The following KIF25 variants were observed in gnomAD, a reference collection of about 807,000 sequenced individuals.
KIF25 encodes kinesin-like protein KIF25.
A neutral mutation model predicts 32.9 loss-of-function variants in KIF25; 19 were observed. The observed-to-expected ratio is 0.58, with a 90% CI of 0.40 to 0.85. The LOEUF (loss-of-function observed/expected upper bound fraction) is 0.85, where lower values mean the gene tolerates loss of function less well. KIF25 is among the 40% of genes least tolerant of loss of function. The pLI is 0.00. For synonymous variants in KIF25, 225 were observed against 213.7 expected (o/e 1.05, Z -0.46); for missense variants, 485 against 507.0 (o/e 0.96, Z 0.42).
At position 168,024,675 on chromosome 6, in the gene KIF25, G is replaced by A. The variant is rs145459290; in HGVS notation, c.-94-4817G>A. 5.9e-5 allele frequency among the ~76,000 whole-genome samples: 9 copies of A among 152,162 alleles called. No homozygotes were observed. In the East Asian group the frequency reaches 1.6e-3, roughly 26 times the overall value. On this transcript the variant is annotated intron_variant, in intron 5 of 12. Transcript: ENST00000643607. ...GATGGAGAAGAAAGGAATGTTCGGG[G>A]CCGGGCACGGTGGCTCACACCTGTA...
At chr6:168,013,543 C>T (rs1798675259) in intron 4 of KIF25, among the ~76,000 whole-genome samples, 1 of 152,054 alleles carries the variant, frequency 6.6e-6, no homozygotes, top group Admixed American at 6.5e-5. Flanking sequence ...ACAGGGATGG[C>T]TGGGGGGTGA....
rs1401135851 is a variant in KIF25, at chr6:168,034,014, G to A, written c.300G>A (p.Val100=). ...PQSDLGIIPR[V]AEELFRLILE... is the part of the protein sequence containing the mutation. Reference sequence around the variant, plus strand: ...GTGACTTAGGAATTATCCCTAGAGTGGCTGAGGAGCTCTTCAGGTACTGCC... The same window carrying A: ...GTGACTTAGGAATTATCCCTAGAGTAGCTGAGGAGCTCTTCAGGTACTGCC... The change falls in exon 8 of 13, where the codon GTG becomes GTA. Residue 100 remains valine (V), a synonymous_variant. Transcript: ENST00000643607. 6.2e-7 allele frequency: 1 copy of A among 1,614,056 alleles called. No homozygotes were observed. Among genetic ancestry groups the A allele is most frequent in the Non-Finnish European group, 8.5e-7 (1 of 1,180,038 alleles).
chr6:168,035,658 G>A (rs1799013910), intron 8 of KIF25: 5 of 455,104 alleles, frequency 1.1e-5, no homozygotes, highest in South Asian at 4.6e-5. Flanking sequence ...TCGCATTACT[G>A]GCAAGCGTTT....
At position 168,033,991 on chromosome 6, in the gene KIF25, G is replaced by A; in HGVS notation, c.277G>A (p.Asp93Asn). 6.2e-7 allele frequency: 1 copy of A among 1,614,184 alleles called. No homozygotes were observed. Among genetic ancestry groups the A allele is most frequent in the Non-Finnish European group, 8.5e-7 (1 of 1,180,030 alleles). Residue 93 changes from aspartate to asparagine, a missense_variant, in exon 8 of 13, where the codon GAC (aspartate) becomes AAC (asparagine). Transcript: ENST00000643607. The part of the protein sequence containing the change: ...GPVLPLDPQS[D>N]LGIIPRVAEE... The stretch of plus-strand genomic sequence containing the variant: ...TGTTCTGCCGCTTGACCCACAGAGT[G>A]ACTTAGGAATTATCCCTAGAGTGGC...
chr6:168,042,460 C>A, intron 11 of KIF25, 101 bp from the exon 12 acceptor site: 1 of 1,436,328 alleles, frequency 7.0e-7, no homozygotes, highest in Non-Finnish European at 9.5e-7. Flanking sequence ...CATGGCCTCC[C>A]CTCTACCTGC....
chr6:168,036,618 C>T (rs748049909), intron 8 of KIF25, among the ~76,000 whole-genome samples: 3 of 152,180 alleles, frequency 2.0e-5, no homozygotes, highest in Non-Finnish European at 2.9e-5. Context: ...ATTAACTCCT[C>T]GGTATTATGT....
intron 8 of KIF25, among the ~76,000 whole-genome samples, chr6:168,037,284 G>A (rs1381249346): frequency 6.6e-6 from 1 of 152,128 alleles, no homozygotes; most frequent in African/African-American, 2.4e-5. Flanking sequence ...GTCATTAGAA[G>A]ACAAAACTCC....
chr6:168,022,752 ATTGT>A (rs1462621477), intron 5 of KIF25, among the ~76,000 whole-genome samples: 1 of 119,494 alleles, frequency 8.4e-6, no homozygotes, highest in Non-Finnish European at 1.8e-5. Flanking sequence ...AGTTTTTTTG[ATTGT>A]TTGTTGTTGT....
At chr6:168,038,037 C>T (rs116765203) in intron 8 of KIF25, among the ~76,000 whole-genome samples, 2,064 of 152,196 alleles carry the variant, frequency 0.014, 50 homozygotes, top group African/African-American at 0.047. Flanking sequence ...TTAATGAGCC[C>T]GAGCTGGTTT....
intron 4 of KIF25, among the ~76,000 whole-genome samples, 182 bp downstream of exon 4, chr6:168,003,885 C>T (rs768971001): frequency 2.0e-4 from 31 of 152,220 alleles, no homozygotes; most frequent in Middle Eastern, 3.4e-3. Flanking sequence ...GCTCCTGACC[C>T]GTAGTTCTAT....
chr6:168,043,969 G>A (rs1324170218), intron 12 of KIF25, among the ~76,000 whole-genome samples: 6 of 152,240 alleles, frequency 3.9e-5, no homozygotes, highest in Admixed American at 3.3e-4. Context: ...GCCATGGGCC[G>A]TGAGCAGCAG....
chr6:168,004,755 C>G (rs779461347), intron 4 of KIF25, among the ~76,000 whole-genome samples: 1 of 152,128 alleles, frequency 6.6e-6, no homozygotes, highest in Non-Finnish European at 1.5e-5. Context: ...AGGATCTTCA[C>G]GACGAGGGTT....
At chr6:168,035,435 C>CTGCGGTGGG (rs1238186330) in intron 8 of KIF25, among the ~76,000 whole-genome samples, 1 of 6,658 alleles carries the variant, frequency 1.5e-4, no homozygotes, top group South Asian at 3.9e-3. Context: ...TGGAACGGCG[C>CTGCGGTGGG]GGCGGAGGAG....
chr6:168,038,657 C>T lies in KIF25; in HGVS notation c.422C>T (p.Ala141Val), dbSNP rs776630833. 1 of 1,614,156 alleles carries T rather than the reference C, an allele frequency of 6.2e-7. No homozygotes were observed. The highest frequency in any genetic ancestry group is 8.5e-7 in the Non-Finnish European group (1 of 1,180,020). Residue 141 changes from alanine (A) to valine (V), a missense_variant, in exon 9 of 13, where the codon GCA becomes GTA. By Grantham distance (64) the Ala-to-Val change is moderately conservative (BLOSUM62 0). Coordinates refer to ENST00000643607, the MANE Select transcript of KIF25 (RefSeq NM_030615.4). Reference sequence around the variant, plus strand: ...CTTCTGGCCAAAGACAGCATTGCAGCAGTGTCGGGGGTCAAGCGTGAGGTG... The same window carrying T: ...CTTCTGGCCAAAGACAGCATTGCAGTAGTGTCGGGGGTCAAGCGTGAGGTG... ...FDLLAKDSIAAVSGVKREVVT... is the reference protein window; with the variant it reads ...FDLLAKDSIAVVSGVKREVVT...
intron 4 of KIF25, among the ~76,000 whole-genome samples, chr6:168,011,710 T>C (rs564486397): frequency 1.6e-4 from 25 of 152,360 alleles, no homozygotes; most frequent in African/African-American, 5.8e-4. Context: ...GACCTAGATG[T>C]CCATTTCTCT....
At position 168,042,679 on chromosome 6, in the gene KIF25, G is replaced by T; in HGVS notation, c.948G>T (p.Arg316=). Residue 316 remains arginine (R), a synonymous_variant, in exon 12 of 13, where the codon CGG becomes CGT. Coordinates refer to ENST00000643607, the MANE Select transcript of KIF25 (RefSeq NM_030615.4). ...LLEHRGHAPY[R]NSRLTHLLQD... is the part of the protein sequence containing the mutation. ...AGCACCGTGGCCATGCCCCGTACCG[G>T]AACAGCAGGCTCACCCACCTCCTTC... The T allele has an allele frequency of 1.9e-6, 3 of 1,613,208 alleles. No individual in the cohort carries two copies. Among genetic ancestry groups the T allele is most frequent in the South Asian group, 2.2e-5 (2 of 91,064 alleles).
At chr6:168,004,134 A>G (rs976724247) in intron 4 of KIF25, among the ~76,000 whole-genome samples, 2 of 152,180 alleles carry the variant, frequency 1.3e-5, no homozygotes, top group Admixed American at 6.5e-5. Context: ...GAGCAGCCCA[A>G]CACCCCAGGG....
chr6:168,037,847 T>C (rs2267954), intron 8 of KIF25, among the ~76,000 whole-genome samples: 7,520 of 152,106 alleles, frequency 0.049, 364 homozygotes, highest in African/African-American at 0.12. Context: ...TCCCGAGTAG[T>C]TGGGACTACA....
chr6:168,042,621 C>A lies in KIF25; in HGVS notation c.890C>A (p.Ala297Glu), dbSNP rs776942483. The A allele has an allele frequency of 3.1e-6, 5 of 1,613,872 alleles. No homozygotes were observed. Among genetic ancestry groups the A allele is most frequent in the East Asian group, 2.2e-5 (1 of 44,878 alleles). The change falls in exon 12 of 13, where the codon GCG becomes GAG. Residue 297 changes from alanine (A) to glutamate (E), a missense_variant. By Grantham distance (107) the Ala-to-Glu change is moderately radical. This residue lies in a region of KIF25 where 480 missense variants were observed against 470.3 expected (regional missense o/e 1.02). Transcript: ENST00000643607. ...REMACISRSLAALAGVLGALL... is the reference protein window; with the variant it reads ...REMACISRSLEALAGVLGALL... ...ATGGCGTGCATCAGCCGCAGCCTTG[C>A]GGCCCTGGCAGGCGTCCTGGGGGCT... is the stretch of plus-strand genomic sequence containing the variant.
Sources: gnomAD v4.1 joint callset for allele counts (sites outside exome capture counted in the v4.1 genomes callset) on GRCh38, gnomAD v4.1.1 for gene constraint, gnomAD v4.1.1 regional missense constraint, MANE v1.5 for transcripts, NCBI Gene and HGNC (gene_info 2026-07-23, HGNC 2026-07-21) for gene names.